RBM39: variants seen among roughly 807,000 people sequenced by gnomAD.
RBM39 encodes the protein RNA-binding protein 39.
RBM39 carries 12 observed loss-of-function variants against 79.6 expected under a neutral mutation model. The observed-to-expected ratio is 0.15, with a 90% CI of 0.10 to 0.24. The LOEUF (loss-of-function observed/expected upper bound fraction) is 0.24. RBM39 is among the 10% of genes least tolerant of loss of function. The pLI is 1.00. For missense variants in RBM39, 243 were observed against 653.4 expected (o/e 0.37, Z 6.85); for synonymous variants, 185 against 208.4 (o/e 0.89, Z 0.97).
chr20:35,734,581 C>CTATT (rs1165827900), intron 3 of RBM39: 2 of 241,762 alleles, frequency 8.3e-6, no homozygotes, highest in Non-Finnish European at 1.6e-5. Context: ...GGCAACCAAC[C>CTATT]TATTTACCTC....
At chr20:35,722,991 G>T (rs904849498) in intron 8 of RBM39, among the ~76,000 whole-genome samples, 1 of 150,596 alleles carries the variant, frequency 6.6e-6, no homozygotes, top group African/African-American at 2.4e-5. Flanking sequence ...AATGAATCAT[G>T]AACCTACATT....
In RBM39 at chr20:35,709,879, G is replaced by T. The variant is rs140974394; in HGVS notation, c.1175-605C>A. 2.9e-3 allele frequency among the ~76,000 whole-genome samples: 448 copies of T among 152,152 alleles called. 1 individual carries two copies. Among genetic ancestry groups the T allele is most frequent in the African/African-American group, 0.01 (416 of 41,516 alleles). The stretch of plus-strand genomic sequence containing the variant: ...GGGCAACTTGATTATTGATTTCCTG[G>T]CCTAGTGTAAAAATTTAGCAAGGCA... On this transcript the variant is annotated intron_variant, in intron 12 of 16. Transcript: ENST00000253363.
At chr20:35,717,016 G>C (rs1004425591) in intron 9 of RBM39, among the ~76,000 whole-genome samples, 27 of 151,488 alleles carry the variant, frequency 1.8e-4, no homozygotes, top group South Asian at 4.2e-4. Flanking sequence ...GTGGTGGTCG[G>C]CGCCTGTAAT....
chr20:35,734,495 GA>G (rs1474724011), intron 3 of RBM39: 1 of 218,626 alleles, frequency 4.6e-6, no homozygotes, highest in Non-Finnish European at 9.4e-6. Context: ...TTCAATTAGG[GA>G]ACAAGGTAAA....
At chr20:35,716,907 C>A in intron 9 of RBM39, 102 bp from the exon 10 acceptor site, 1 of 720,464 alleles carries the variant, frequency 1.4e-6, no homozygotes. Flanking sequence ...CCTCATCCTC[C>A]AAAATAGAAG....
At chr20:35,732,902 T>A (rs1188133301) in intron 3 of RBM39, 2 of 152,210 alleles carry the variant, frequency 1.3e-5, no homozygotes, top group Non-Finnish European at 2.9e-5. Context: ...TACCATTAAG[T>A]CAATTTTGCC....
At chr20:35,735,034 T>G (rs769659620) in intron 3 of RBM39, 1 of 1,597,610 alleles carries the variant, frequency 6.3e-7, no homozygotes, top group Non-Finnish European at 8.5e-7. Flanking sequence ...TATAACTGGA[T>G]TTGACCTCTT....
Position 35,726,035 on chromosome 20 carries a change from C to G in RBM39, c.417-880G>C, listed in dbSNP as rs959554816. On this transcript the variant is annotated intron_variant, in intron 6 of 16. Transcript: ENST00000253363. ...AAAACTATTCAATGTAACTCAATTC[C>G]TTCTAAAAACTAAGGTTTACTGTTT... Among the ~76,000 whole-genome samples the G allele has an allele frequency of 7.9e-5, 12 of 152,178 alleles. 1 individual carries two copies.
rs6119644 is a variant in RBM39 at position 35,713,305 on chromosome 20, T to C, written c.1097-209A>G. ...AGATCGAGACCAACCTGGGCAACAA[T>C]TGTGAAACTCTCTTTTTTTTTTGAG... On this transcript the variant is annotated intron_variant, in intron 11 of 16. Transcript: ENST00000253363. 2,513 of 442,604 alleles carry C rather than the reference T, an allele frequency of 5.7e-3. 41 individuals are homozygous for C. The highest frequency in any genetic ancestry group is 0.043 in the African/African-American group (2,155 of 49,572). The allele number at this position is 442,604 out of a possible 1,614,324, so 27.4% of individuals were successfully genotyped here. A position where few individuals can be genotyped will look rare whatever the true frequency, so the allele number is the denominator to read the frequency against.
At chr20:35,737,407 A>T (rs1387986765) in intron 3 of RBM39, among the ~76,000 whole-genome samples, 1 of 151,136 alleles carries the variant, frequency 6.6e-6, no homozygotes, top group Non-Finnish European at 1.5e-5. Flanking sequence ...AAAAAAAAAA[A>T]AAATTAGCCA....
chr20:35,740,547 G>A, intron 2 of RBM39: 2 of 1,395,658 alleles, frequency 1.4e-6, no homozygotes, highest in East Asian at 3.7e-5. Context: ...AGTTCACACT[G>A]GAATCAAAGG....
rs191047760 is a variant in RBM39 at position 35,716,888 on chromosome 20, T to C, written c.826-83A>G. On this transcript the variant is annotated intron_variant, in intron 9 of 16. Transcript: ENST00000253363. ...TCCCTGAGACATGGTTTTAAAAATC[T>C]ACCAGTCTCCTCATCCTCCAAAATA... is the stretch of plus-strand genomic sequence containing the variant. 14 of 894,340 alleles carry C rather than the reference T, an allele frequency of 1.6e-5. No homozygotes were observed. The African/African-American group carries it at 1.7e-4, about 11-fold the overall frequency. The allele number at this position is 894,340 out of a possible 1,614,324, so 55.4% of individuals were successfully genotyped here.
rs76478457 is a variant in RBM39 at position 35,738,233 on chromosome 20, G to A, written c.101+735C>T. Reference sequence around the variant, plus strand: ...CAGTGAGCCCAGACTGCGCCACTGCGCTCCAGCCTGGGCTACAGAGCAAGA... The same window carrying A: ...CAGTGAGCCCAGACTGCGCCACTGCACTCCAGCCTGGGCTACAGAGCAAGA... On this transcript the variant is annotated intron_variant, in intron 3 of 16. Coordinates refer to ENST00000253363, the MANE Select transcript of RBM39 (RefSeq NM_184234.3). Among the ~76,000 whole-genome samples, 967 of 150,788 alleles carry A rather than the reference G, an allele frequency of 6.4e-3. 8 individuals are homozygous for A. The highest frequency in any genetic ancestry group is 0.041 in the East Asian group (208 of 5,082).
chr20:35,740,255 G>A (rs963601677), intron 2 of RBM39: 2 of 173,818 alleles, frequency 1.2e-5, no homozygotes, highest in African/African-American at 2.4e-5. Flanking sequence ...TATTAACTGA[G>A]CAGCAGATTG....
chr20:35,722,251 GA>G (rs1055635035), intron 8 of RBM39, among the ~76,000 whole-genome samples: 1 of 151,428 alleles, frequency 6.6e-6, no homozygotes, highest in Non-Finnish European at 1.5e-5. Flanking sequence ...ACCAAATATA[GA>G]AAAAATTAGC....
intron 3 of RBM39, 119 bp from the exon 4 acceptor site, chr20:35,732,254 A>G (rs2039450437): frequency 9.9e-6 from 9 of 906,058 alleles, no homozygotes; most frequent in Non-Finnish European, 1.5e-5. Context: ...TAGTTTTACT[A>G]TGATACAATG....
chr20:35,739,153 G>C, intron 2 of RBM39, 136 bp from the exon 3 acceptor site: 1 of 794,710 alleles, frequency 1.3e-6, no homozygotes, highest in Non-Finnish European at 2.1e-6. Flanking sequence ...TAACATGGAA[G>C]GCTATAAAAA....
At chr20:35,705,378 C>A in intron 14 of RBM39, 48 bp from the exon 15 acceptor site, 1 of 1,022,128 alleles carries the variant, frequency 9.8e-7, no homozygotes, top group Non-Finnish European at 1.5e-6. Context: ...AACTAACAAA[C>A]TATATATTTA....
intron 3 of RBM39, among the ~76,000 whole-genome samples, chr20:35,735,318 CAAA>C (rs1762449679): frequency 6.6e-6 from 1 of 152,164 alleles, no homozygotes; most frequent in Non-Finnish European, 1.5e-5. Flanking sequence ...TTGACATATG[CAAA>C]AACTCAGGTT....
Sources: allele counts gnomAD v4.1 joint callset (sites outside exome capture counted in the v4.1 genomes callset), GRCh38; gene constraint gnomAD v4.1.1; transcripts MANE v1.5; gene names NCBI Gene and HGNC (gene_info 2026-07-23, HGNC 2026-07-21).